Variants in CDH4 observed in about 807,000 individuals in gnomAD.
CDH4 encodes the protein cadherin-4.
Under a neutral mutation model 86.0 loss-of-function variants are expected in CDH4, and 33 were observed. The ratio of observed to expected loss-of-function variants is 0.38; its 90% confidence interval spans 0.29 to 0.51. CDH4 has a LOEUF of 0.51. CDH4 is among the 20% of genes least tolerant of loss of function. The probability of loss-of-function intolerance (pLI) is 0.86; values close to 1 mark genes in which losing one functional copy is unlikely to be tolerated. For synonymous variants in CDH4, 555 were observed against 549.4 expected (o/e 1.01, Z -0.14); for missense variants, 1,114 against 1,307.4 (o/e 0.85, Z 2.28).
At chr20:61,883,602 G>A (rs1206651364) in intron 7 of CDH4, among the ~76,000 whole-genome samples, 1 of 152,224 alleles carries the variant, frequency 6.6e-6, no homozygotes, top group Non-Finnish European at 1.5e-5. Context: ...GGAACTTATG[G>A]CTCAGAAACC....
chr20:61,716,876 C>G (rs540576436), intron 2 of CDH4, among the ~76,000 whole-genome samples: 6 of 152,224 alleles, frequency 3.9e-5, no homozygotes, highest in African/African-American at 1.4e-4. Flanking sequence ...CCACTGTACT[C>G]GAGCCTGGGC....
chr20:61,469,280 T>C (rs1019277185), intron 2 of CDH4, among the ~76,000 whole-genome samples: 1 of 152,242 alleles, frequency 6.6e-6, no homozygotes, highest in African/African-American at 2.4e-5. Context: ...TATCTCATTG[T>C]AGTTTAGATT....
At chr20:61,503,404 A>C (rs1280395595) in intron 2 of CDH4, among the ~76,000 whole-genome samples, 1 of 152,258 alleles carries the variant, frequency 6.6e-6, no homozygotes, top group Non-Finnish European at 1.5e-5. Flanking sequence ...AAAAGTAAAG[A>C]TAATCAGCCA....
At chr20:61,505,067 G>C (rs555187401) in intron 2 of CDH4, among the ~76,000 whole-genome samples, 6 of 152,318 alleles carry the variant, frequency 3.9e-5, no homozygotes. Context: ...GCTGGAGGCT[G>C]TTTTCCTGGT....
intron 2 of CDH4, among the ~76,000 whole-genome samples, chr20:61,416,606 A>G (rs572727903): frequency 6.7e-4 from 102 of 152,348 alleles, no homozygotes; most frequent in South Asian, 4.3e-3. Context: ...TCAGAGTATT[A>G]ATCAGGTATT....
chr20:61,730,744 G>A lies in CDH4; in HGVS notation c.170-12819G>A, dbSNP rs117324946. Among the ~76,000 whole-genome samples the A allele has an allele frequency of 2.1e-3, 322 of 152,290 alleles. 1 individual carries two copies. Among genetic ancestry groups the A allele is most frequent in the Non-Finnish European group, 3.4e-3 (232 of 68,026 alleles). ...TGAGCAGCCATCAGTGGAGACACTCGACTGCATCCCTGTGACTGCAGGAGG... is the reference window on the plus strand; with the variant it reads ...TGAGCAGCCATCAGTGGAGACACTCAACTGCATCCCTGTGACTGCAGGAGG... On this transcript the variant is annotated intron_variant, in intron 2 of 15. Transcript: ENST00000614565.
intron 4 of CDH4, among the ~76,000 whole-genome samples, chr20:61,833,373 G>T: frequency 6.6e-6 from 1 of 152,124 alleles, no homozygotes; most frequent in Middle Eastern, 3.2e-3. Flanking sequence ...ACTCTGGTTT[G>T]CAGAGCACTT....
intron 2 of CDH4, among the ~76,000 whole-genome samples, chr20:61,453,348 C>T (rs1488348340): frequency 2.0e-5 from 3 of 152,106 alleles, no homozygotes; most frequent in Non-Finnish European, 4.4e-5. Flanking sequence ...TCCTGTGGGG[C>T]GGCCCAGCAG....
intron 4 of CDH4, among the ~76,000 whole-genome samples, chr20:61,782,859 G>C (rs529356697): frequency 6.6e-6 from 1 of 152,172 alleles, no homozygotes; most frequent in Non-Finnish European, 1.5e-5. Context: ...CGAGGTGGAC[G>C]TACCACTTGA....
intron 6 of CDH4, among the ~76,000 whole-genome samples, chr20:61,867,929 C>T (rs1983621118): frequency 6.6e-6 from 1 of 152,218 alleles, no homozygotes; most frequent in Non-Finnish European, 1.5e-5. Flanking sequence ...CGTCCAGGCT[C>T]TTCTCTGTGA....
At chr20:61,900,378 G>C (rs1269459655) in intron 8 of CDH4, among the ~76,000 whole-genome samples, 1 of 152,046 alleles carries the variant, frequency 6.6e-6, no homozygotes, top group African/African-American at 2.4e-5. Flanking sequence ...ATTAATTGGA[G>C]CCAACTTTTC....
Position 61,744,484 on chromosome 20 carries a change from T to G in CDH4, c.396+695T>G, listed in dbSNP as rs1215365123. ...AAGGAGGGAGAGAGATGGAGAGAGG[T>G]GGAGGGAGAGAGAGAAGGAAAGGGA... On this transcript the variant is annotated intron_variant, in intron 3 of 15. Transcript: ENST00000614565. Among the ~76,000 whole-genome samples the G allele has an allele frequency of 3.0e-3, 58 of 19,486 alleles. 15 individuals carry two copies. The highest frequency in any genetic ancestry group is 0.016 in the East Asian group (10 of 638). The allele number at this position is 19,486 out of a possible 152,430, so 12.8% of individuals were successfully genotyped here. A position where few individuals can be genotyped will look rare whatever the true frequency, so the allele number is the denominator to read the frequency against.
At chr20:61,565,264 T>C (rs1568688745) in intron 2 of CDH4, among the ~76,000 whole-genome samples, 5 of 96,280 alleles carry the variant, frequency 5.2e-5, no homozygotes, top group Admixed American at 1.1e-4. Context: ...GTGATGGTGG[T>C]GGTGGTCCTC....
At chr20:61,347,947 C>A (rs1049400019) in intron 2 of CDH4, among the ~76,000 whole-genome samples, 2 of 152,184 alleles carry the variant, frequency 1.3e-5, no homozygotes, top group African/African-American at 4.8e-5. Context: ...AGGAACAGCC[C>A]TTTCCATGGT....
chr20:61,494,510 A>G (rs1414358604), intron 2 of CDH4, among the ~76,000 whole-genome samples: 2 of 152,180 alleles, frequency 1.3e-5, no homozygotes, highest in African/African-American at 4.8e-5. Flanking sequence ...CAAAATAGCT[A>G]TTTCCTTGCA....
chr20:61,396,787 A>C (rs1453019973), intron 2 of CDH4, among the ~76,000 whole-genome samples: 1 of 152,186 alleles, frequency 6.6e-6, no homozygotes, highest in African/African-American at 2.4e-5. Context: ...TCACTAGCCT[A>C]GGAGGGAGAT....
At chr20:61,797,083 G>GCC (rs10541512) in intron 4 of CDH4, among the ~76,000 whole-genome samples, 6 of 148,148 alleles carry the variant, frequency 4.1e-5, no homozygotes, top group African/African-American at 1.5e-4. Flanking sequence ...GACAGGAAGA[G>GCC]CCCCCCCCCC....
chr20:61,801,495 G>A (rs994597890), intron 4 of CDH4, among the ~76,000 whole-genome samples: 2 of 152,158 alleles, frequency 1.3e-5, no homozygotes, highest in Non-Finnish European at 2.9e-5. Flanking sequence ...GTGAGTTGCC[G>A]GGAGCTGCTG....
At chr20:61,556,881 A>G (rs549330921) in intron 2 of CDH4, among the ~76,000 whole-genome samples, 74 of 152,252 alleles carry the variant, frequency 4.9e-4, no homozygotes, top group African/African-American at 1.7e-3. Flanking sequence ...AACACCGAGA[A>G]CACGTGAGGC....
Sources: allele counts gnomAD v4.1 joint callset (sites outside exome capture counted in the v4.1 genomes callset), GRCh38; gene constraint gnomAD v4.1.1; transcripts MANE v1.5; gene names NCBI Gene and HGNC (gene_info 2026-07-23, HGNC 2026-07-21).